NIPAL1: variants seen among roughly 807,000 people sequenced by gnomAD.
NIPAL1 encodes the protein magnesium transporter NIPA3.
A neutral mutation model predicts 37.7 loss-of-function variants in NIPAL1; 35 were observed. The ratio of observed to expected loss-of-function variants is 0.93; its 90% CI spans 0.71 to 1.23. NIPAL1 has a LOEUF of 1.23. Ranked by LOEUF, NIPAL1 falls within the 50% of genes most tolerant of loss-of-function variation. NIPAL1 has a pLI of 0.00. For missense variants in NIPAL1, 412 were observed against 473.9 expected (o/e 0.87, Z 1.21); for synonymous variants, 162 against 183.0 (o/e 0.89, Z 0.93).
intron 1 of NIPAL1, among the ~76,000 whole-genome samples, chr4:48,020,699 T>C (rs1715551124): frequency 6.6e-6 from 1 of 152,172 alleles, no homozygotes; most frequent in Non-Finnish European, 1.5e-5. Context: ...TCATATCACT[T>C]CTGCTGACTT....
chr4:48,017,009 C>CTCAT lies in NIPAL1; in HGVS notation c.46+136_46+139dup, dbSNP rs913003692. 32 of 762,780 alleles carry CTCAT rather than the reference C, an allele frequency of 4.2e-5. No individual in the cohort carries two copies. In the Admixed American group the frequency reaches 4.6e-4, roughly 11 times the overall value. 47.3% of individuals were successfully genotyped at this position (762,780 alleles called of 1,614,324 possible). ...TACCGACTCTAAACGTAGTCGTTCA[C>CTCAT]TCATTCATTCATTCAGTCAGTCGGC... is the stretch of plus-strand genomic sequence containing the variant. On this transcript the variant is annotated intron_variant, in intron 1 of 5. Coordinates refer to ENST00000295461, the MANE Select transcript of NIPAL1 (RefSeq NM_207330.3).
intron 4 of NIPAL1, among the ~76,000 whole-genome samples, chr4:48,034,531 A>G (rs916908724): frequency 6.6e-6 from 1 of 152,232 alleles, no homozygotes; most frequent in Non-Finnish European, 1.5e-5. Flanking sequence ...ATGGGCATAC[A>G]TATTCTAAAT....
intron 1 of NIPAL1, among the ~76,000 whole-genome samples, chr4:48,019,787 A>G (rs982594404): frequency 6.6e-6 from 1 of 152,200 alleles, no homozygotes; most frequent in Non-Finnish European, 1.5e-5. Context: ...TGACAAGATC[A>G]GACCTACTTG....
At chr4:48,017,383 G>A (rs935073995) in intron 1 of NIPAL1, among the ~76,000 whole-genome samples, 1 of 152,218 alleles carries the variant, frequency 6.6e-6, no homozygotes, top group Non-Finnish European at 1.5e-5. Context: ...GGCGCCCGGG[G>A]CCGCGGGGGT....
chr4:48,037,867 T>G lies in NIPAL1; in HGVS notation c.*1695T>G, dbSNP rs1440298057. ...TTGATTTTATGGAAAATAAATTGGC[T>G]ATCTTATTTTTATAACAATCTTATT... On this transcript the variant is annotated 3_prime_UTR_variant, in exon 6 of 6. Coordinates refer to ENST00000295461, the MANE Select transcript of NIPAL1 (RefSeq NM_207330.3). 6.6e-6 allele frequency: 1 copy of G among 152,160 alleles called. No individual in the cohort carries two copies. Among genetic ancestry groups the G allele is most frequent in the East Asian group, 1.9e-4 (1 of 5,206 alleles). The allele number at this position is 152,160 out of a possible 1,614,324, so 9.4% of individuals were successfully genotyped here.
intron 1 of NIPAL1, among the ~76,000 whole-genome samples, chr4:48,017,311 C>T (rs947194291): frequency 2.6e-5 from 4 of 152,152 alleles, no homozygotes; most frequent in African/African-American, 9.7e-5. Flanking sequence ...CCTGGGGGGC[C>T]CGTGGGAGTT....
intron 3 of NIPAL1, 50 bp from the exon 4 acceptor site, chr4:48,032,943 T>G (rs1183271116): frequency 6.9e-6 from 9 of 1,307,792 alleles, no homozygotes. Flanking sequence ...GTTTTTCTCT[T>G]CTGACAAGTA....
rs762585522 is a variant in NIPAL1 at position 48,038,989 on chromosome 4, T to C, written c.*2817T>C. 2.6e-5 allele frequency: 4 copies of C among 151,990 alleles called. No homozygotes were observed. Among genetic ancestry groups the C allele is most frequent in the Non-Finnish European group, 5.9e-5 (4 of 67,998 alleles). 9.4% of individuals were successfully genotyped at this position (151,990 alleles called of 1,614,324 possible). On this transcript the variant is annotated 3_prime_UTR_variant, in exon 6 of 6. Coordinates refer to ENST00000295461, the MANE Select transcript of NIPAL1 (RefSeq NM_207330.3). Reference sequence around the variant, plus strand: ...GAGAAACAATGAAATATTTGAAAACTGTCTACATAAAAGTTACTGATGCAC... The same window carrying C: ...GAGAAACAATGAAATATTTGAAAACCGTCTACATAAAAGTTACTGATGCAC...
At position 48,036,214 on chromosome 4, in the gene NIPAL1, G is replaced by A. The variant is rs750365201; in HGVS notation, c.*42G>A. On this transcript the variant is annotated 3_prime_UTR_variant, in exon 6 of 6. Transcript: ENST00000295461. ...GAGTTTTAACCAATATGAGACACAC[G>A]AAGAGGAAAATGAATGCTTGCTTCT... is the stretch of plus-strand genomic sequence containing the variant. 1.1e-5 allele frequency: 17 copies of A among 1,525,228 alleles called. No homozygotes were observed. The highest frequency in any genetic ancestry group is 1.4e-5 in the African/African-American group (1 of 70,572). The allele number at this position is 1,525,228 out of a possible 1,614,324, so 94.5% of individuals were successfully genotyped here. A position where few individuals can be genotyped will look rare whatever the true frequency, so the allele number is the denominator to read the frequency against.
At chr4:48,030,223 T>C in intron 3 of NIPAL1, 47 bp downstream of exon 3, 1 of 1,159,936 alleles carries the variant, frequency 8.6e-7, no homozygotes, top group Middle Eastern at 2.2e-4. Flanking sequence ...AGATAGTAAA[T>C]AGATTACATG....
chr4:48,023,925 A>T (rs188674859), intron 1 of NIPAL1, among the ~76,000 whole-genome samples: 107 of 151,572 alleles, frequency 7.1e-4, no homozygotes, highest in African/African-American at 2.5e-3. Context: ...ATAACTCTTC[A>T]TACCCACCAA....
In NIPAL1 at chr4:48,038,536, AG is replaced by A. The variant is rs1460202963; in HGVS notation, c.*2365del. The A allele has an allele frequency of 6.6e-6, 1 of 152,226 alleles. No individual in the cohort carries two copies. Among genetic ancestry groups the A allele is most frequent in the African/African-American group, 2.4e-5 (1 of 41,436 alleles). 9.4% of individuals were successfully genotyped at this position (152,226 alleles called of 1,614,324 possible). A position where few individuals can be genotyped will look rare whatever the true frequency, so the allele number is the denominator to read the frequency against. ...GTCAGGAGGATCATTTGAGCTTAGGAGTTCAAGGCTGCAGTAAGTTATGATT... is the reference window on the plus strand; with the variant it reads ...GTCAGGAGGATCATTTGAGCTTAGGATTCAAGGCTGCAGTAAGTTATGATT... On this transcript the variant is annotated 3_prime_UTR_variant, in exon 6 of 6. Coordinates refer to ENST00000295461, the MANE Select transcript of NIPAL1 (RefSeq NM_207330.3).
At chr4:48,021,079 A>G (rs1401444587) in intron 1 of NIPAL1, among the ~76,000 whole-genome samples, 2 of 152,132 alleles carry the variant, frequency 1.3e-5, no homozygotes, top group African/African-American at 2.4e-5. Context: ...TATTTTTCTG[A>G]AATAGAATGC....
At chr4:48,031,656 C>T (rs537822647) in intron 3 of NIPAL1, among the ~76,000 whole-genome samples, 26 of 152,062 alleles carry the variant, frequency 1.7e-4, no homozygotes, top group African/African-American at 5.5e-4. Context: ...ATCATGAAGT[C>T]GTTGTTTTCC....
Position 48,036,312 on chromosome 4 carries a change from C to A in NIPAL1, c.*140C>A. On this transcript the variant is annotated 3_prime_UTR_variant, in exon 6 of 6. Coordinates refer to ENST00000295461, the MANE Select transcript of NIPAL1 (RefSeq NM_207330.3). ...TAGATGTGAGGCCAAGTAAAAATGC[C>A]ATTTTTTTGGCCATTGAATTTGAAA... is the stretch of plus-strand genomic sequence containing the variant. 1.4e-6 allele frequency: 1 copy of A among 722,972 alleles called. No individual in the cohort carries two copies. Among genetic ancestry groups the A allele is most frequent in the Non-Finnish European group, 2.2e-6 (1 of 452,814 alleles). 44.8% of individuals were successfully genotyped at this position (722,972 alleles called of 1,614,324 possible). A position where few individuals can be genotyped will look rare whatever the true frequency, so the allele number is the denominator to read the frequency against.
chr4:48,033,037 C>T lies in NIPAL1; in HGVS notation c.415C>T (p.Pro139Ser). ...AAATTTTGCTGCTTATGCTTTTGCA[C>T]CTGCCACCTTGGTCACCCCTCTGGG... ...AANFAAYAFA[P>S]ATLVTPLGAL... is the part of the protein sequence containing the mutation. Residue 139 changes from proline (P) to serine (S), a missense_variant, in exon 4 of 6, where the codon CCT becomes TCT. Coordinates refer to ENST00000295461, the MANE Select transcript of NIPAL1 (RefSeq NM_207330.3). 10 of 1,613,996 alleles carry T rather than the reference C, an allele frequency of 6.2e-6. No homozygotes were observed. Among genetic ancestry groups the T allele is most frequent in the Non-Finnish European group, 7.6e-6 (9 of 1,179,914 alleles).
intron 1 of NIPAL1, among the ~76,000 whole-genome samples, chr4:48,019,899 T>C (rs1715534193): frequency 6.6e-6 from 1 of 152,228 alleles, no homozygotes; most frequent in South Asian, 2.1e-4. Flanking sequence ...TGACTGCAGT[T>C]TCTTCAACCC....
intron 3 of NIPAL1, 44 bp downstream of exon 3, chr4:48,030,220 A>T: frequency 2.6e-6 from 3 of 1,170,012 alleles, no homozygotes; most frequent in Non-Finnish European, 3.8e-6. Context: ...GTAAGATAGT[A>T]AATAGATTAC....
At chr4:48,031,062 GTTTT>G (rs1384769876) in intron 3 of NIPAL1, among the ~76,000 whole-genome samples, 4 of 151,602 alleles carry the variant, frequency 2.6e-5, no homozygotes, top group African/African-American at 9.7e-5. Flanking sequence ...GGGTTTTTTT[GTTTT>G]TTGTTTTGTT....
Sources: gnomAD v4.1 joint callset for allele counts (sites outside exome capture counted in the v4.1 genomes callset) on GRCh38, gnomAD v4.1.1 for gene constraint, MANE v1.5 for transcripts, NCBI Gene and HGNC (gene_info 2026-07-23, HGNC 2026-07-21) for gene names.